The following INTS9 variants were observed in gnomAD, a reference collection of about 807,000 sequenced individuals.
INTS9 encodes integrator complex subunit 9.
In INTS9, 55 loss-of-function variants were observed where a neutral mutation model predicts 79.7. The observed-to-expected ratio is 0.69, with a 90% CI of 0.56 to 0.86. INTS9 has a LOEUF of 0.86. Ranked by LOEUF, INTS9 falls within the 40% of genes least tolerant of loss-of-function variation. The pLI is 0.00. For synonymous variants in INTS9, 319 were observed against 325.2 expected, an observed-to-expected ratio of 0.98 and a Z score of 0.20; for missense variants, 721 against 831.5, an observed-to-expected ratio of 0.87 and a Z score of 1.64.
At chr8:28,852,597 C>T (rs1807905640) in intron 2 of INTS9, among the ~76,000 whole-genome samples, 1 of 152,202 alleles carries the variant, frequency 6.6e-6, no homozygotes, top group Non-Finnish European at 1.5e-5. Flanking sequence ...CTTCCCTTTA[C>T]AAAGAGAACT....
Position 28,771,004 on chromosome 8 carries a change from TTGGTG to T in INTS9, c.1635_1639del (p.His545GlnfsTer3), listed in dbSNP as rs1802500315. On this transcript the variant is annotated frameshift_variant, in exon 15 of 17. Coordinates refer to ENST00000521022, the MANE Select transcript of INTS9 (RefSeq NM_018250.4). LOFTEE classifies it high-confidence loss of function. ...TACCTGAAGCAAGTGCTTGTTATCT[TTGGTG>T]TGCAGCACGGCCGAGACAGTTGCCA... is the stretch of plus-strand genomic sequence containing the variant. The T allele has an allele frequency of 1.2e-6, 2 of 1,613,534 alleles. No individual in the cohort carries two copies. Among genetic ancestry groups the T allele is most frequent in the Non-Finnish European group, 8.5e-7 (1 of 1,179,874 alleles).
At chr8:28,847,583 T>A (rs1184932923) in intron 3 of INTS9, among the ~76,000 whole-genome samples, 2 of 152,200 alleles carry the variant, frequency 1.3e-5, no homozygotes, top group Non-Finnish European at 2.9e-5. Context: ...TTATTTAGCA[T>A]TATAAACCAA....
intron 13 of INTS9, among the ~76,000 whole-genome samples, chr8:28,777,376 C>G (rs961654397): frequency 2.6e-5 from 4 of 152,204 alleles, no homozygotes; most frequent in Non-Finnish European, 1.5e-5. Context: ...TACTTCTTCC[C>G]TTTCTCCAGG....
At chr8:28,769,116 C>A (rs59489904) in intron 16 of INTS9, among the ~76,000 whole-genome samples, 1 of 152,216 alleles carries the variant, frequency 6.6e-6, no homozygotes, top group East Asian at 1.9e-4. Flanking sequence ...TTTTTCCCTA[C>A]GGGAAAATCA....
intron 6 of INTS9, among the ~76,000 whole-genome samples, chr8:28,834,676 GT>G (rs35112754): frequency 0.23 from 30,808 of 133,966 alleles, 3,242 homozygotes; most frequent in East Asian, 0.44. Context: ...GCAAACATCT[GT>G]TTTTTTTTTT....
At chr8:28,837,615 G>A in intron 5 of INTS9, 22 bp downstream of exon 5, 1 of 1,609,782 alleles carries the variant, frequency 6.2e-7, no homozygotes, top group African/African-American at 1.3e-5. Context: ...CATCCTAGCA[G>A]GGTCAGAATC....
intron 4 of INTS9, 33 bp from the exon 5 acceptor site, chr8:28,837,809 G>C (rs758069637): frequency 2.9e-5 from 45 of 1,575,690 alleles, no homozygotes; most frequent in Admixed American, 5.2e-5. Flanking sequence ...ATATATATCT[G>C]TTCAGGGATC....
chr8:28,859,026 A>G (rs1392470785), intron 2 of INTS9, among the ~76,000 whole-genome samples: 1 of 152,218 alleles, frequency 6.6e-6, no homozygotes, highest in East Asian at 1.9e-4. Flanking sequence ...TAGTATGAAA[A>G]TAATGCACAG....
rs1393110502 is a variant in INTS9, at chr8:28,777,875, G to C, written c.1349C>G (p.Thr450Ser). 6.2e-7 allele frequency: 1 copy of C among 1,612,696 alleles called. No individual in the cohort carries two copies. Among genetic ancestry groups the C allele is most frequent in the African/African-American group, 1.3e-5 (1 of 74,930 alleles). Residue 450 changes from threonine (T) to serine (S), a missense_variant, in exon 13 of 17, where the codon ACC becomes AGC. Physicochemically the swap from Thr to Ser is moderately conservative, Grantham distance 58 (BLOSUM62 1). Coordinates refer to ENST00000521022, the MANE Select transcript of INTS9 (RefSeq NM_018250.4). ...AMKCIYCPIDTRLNFIQVSKL... is the reference protein window; with the variant it reads ...AMKCIYCPIDSRLNFIQVSKL... ...TGACACCTGGATGAAGTTCAGCCGG[G>C]TGTCGATGGGGCAGTAGATGCATTT... is the stretch of plus-strand genomic sequence containing the variant.
At chr8:28,803,816 C>G (rs2131003734) in intron 8 of INTS9, among the ~76,000 whole-genome samples, 1 of 152,250 alleles carries the variant, frequency 6.6e-6, no homozygotes, top group South Asian at 2.1e-4. Context: ...ATTTTCTAAT[C>G]AGAAATAGAA....
chr8:28,851,797 A>G (rs1179729972), intron 2 of INTS9, among the ~76,000 whole-genome samples: 3 of 152,150 alleles, frequency 2.0e-5, no homozygotes, highest in Non-Finnish European at 4.4e-5. Context: ...ATTAATTCCA[A>G]ACTTACAGAA....
At chr8:28,830,064 A>AG (rs397701844) in intron 6 of INTS9, among the ~76,000 whole-genome samples, 1 of 151,824 alleles carries the variant, frequency 6.6e-6, no homozygotes, top group Non-Finnish European at 1.5e-5. Flanking sequence ...AAAAAAAAAA[A>AG]GAGTGAAAAC....
intron 4 of INTS9, 57 bp from the exon 5 acceptor site, chr8:28,837,833 TG>T: frequency 6.6e-7 from 1 of 1,512,296 alleles, no homozygotes; most frequent in Non-Finnish European, 8.9e-7. Flanking sequence ...CAATATGATG[TG>T]ACTAAAAAAC....
intron 10 of INTS9, among the ~76,000 whole-genome samples, chr8:28,793,316 C>G (rs1804020270): frequency 1.3e-5 from 2 of 152,182 alleles, no homozygotes; most frequent in Non-Finnish European, 2.9e-5. Flanking sequence ...AAAAGGTTCA[C>G]TAATTTCATA....
chr8:28,797,001 TTTC>T (rs1378786976), intron 8 of INTS9: 4 of 187,104 alleles, frequency 2.1e-5, no homozygotes, highest in Admixed American at 1.6e-4. Context: ...TCTGTAATGC[TTTC>T]TTCTTTTCAA....
intron 8 of INTS9, among the ~76,000 whole-genome samples, chr8:28,804,929 A>AT (rs941762718): frequency 3.0e-4 from 46 of 152,260 alleles, no homozygotes; most frequent in African/African-American, 1.0e-3. Context: ...GGGCTGGAAG[A>AT]TTTTTTCCAG....
At chr8:28,791,792 C>T (rs760663866) in intron 10 of INTS9, among the ~76,000 whole-genome samples, 12 of 152,068 alleles carry the variant, frequency 7.9e-5, no homozygotes, top group Non-Finnish European at 1.3e-4. Context: ...ATAGAACTAT[C>T]GATGGAAACA....
intron 4 of INTS9, among the ~76,000 whole-genome samples, chr8:28,838,184 C>T (rs118046797): frequency 6.9e-4 from 105 of 151,994 alleles, no homozygotes; most frequent in Middle Eastern, 3.4e-3. Context: ...TAATGGGCAA[C>T]GGGGACGCAG....
At chr8:28,866,584 T>A (rs1453441259) in intron 1 of INTS9, among the ~76,000 whole-genome samples, 1 of 152,154 alleles carries the variant, frequency 6.6e-6, no homozygotes, top group Non-Finnish European at 1.5e-5. Context: ...CCTTGGGAGT[T>A]TCTTGGTTAT....
Sources: gnomAD v4.1 joint callset for allele counts (sites outside exome capture counted in the v4.1 genomes callset) on GRCh38, gnomAD v4.1.1 for gene constraint, MANE v1.5 for transcripts, NCBI Gene and HGNC (gene_info 2026-07-23, HGNC 2026-07-21) for gene names.